Variants in PRKAG3 observed in about 807,000 individuals in gnomAD.
The protein encoded by PRKAG3 is protein kinase AMP-activated non-catalytic subunit gamma 3.
Under a neutral mutation model 56.5 loss-of-function variants are expected in PRKAG3, and 39 were observed. That is an observed-to-expected ratio of 0.69 (90% CI 0.53 to 0.90). The LOEUF is 0.90. Among genes scored for constraint, PRKAG3 ranks in the 40% least tolerant of loss-of-function variants. The pLI is 0.00. For missense variants in PRKAG3, 628 were observed against 627.5 expected, an observed-to-expected ratio of 1.00 and a Z score of -0.01; for synonymous variants, 243 against 250.1, an observed-to-expected ratio of 0.97 and a Z score of 0.27.
chr2:218,824,919 GT>G (rs143713209), intron 10 of PRKAG3, among the ~76,000 whole-genome samples: 76 of 152,276 alleles, frequency 5.0e-4, no homozygotes, highest in African/African-American at 1.8e-3. Flanking sequence ...TGGATGTGGG[GT>G]ATCCTATAGG....
intron 10 of PRKAG3, among the ~76,000 whole-genome samples, chr2:218,826,047 C>T (rs759563710): frequency 1.3e-5 from 2 of 152,136 alleles, no homozygotes; most frequent in African/African-American, 2.4e-5. Flanking sequence ...GCATGAGCCA[C>T]CGCCCCTGGC....
chr2:218,828,727 G>GTCCAGGAGAAGGCCCCAT, intron 4 of PRKAG3, 127 bp from the exon 5 acceptor site: 1 of 739,056 alleles, frequency 1.4e-6, no homozygotes, highest in Non-Finnish European at 2.2e-6. Context: ...TCTTCCATGG[G>GTCCAGGAGAAGGCCCCAT]GCCTTCTCCT....
chr2:218,824,126 A>T, intron 12 of PRKAG3, 96 bp downstream of exon 12: 2 of 1,588,262 alleles, frequency 1.3e-6, no homozygotes, highest in Non-Finnish European at 1.7e-6. Context: ...AAATGGAAGG[A>T]TAGGCCAGGT....
At chr2:218,828,011 G>T (rs781768300) in exon 6 of PRKAG3, 8 of 1,572,654 alleles carry the variant, frequency 5.1e-6, no homozygotes, top group South Asian at 2.3e-5. Flanking sequence ...CACCAGGGGG[G>T]ACCTGTAGTA....
rs60578863 is a variant in PRKAG3, at chr2:218,831,762, G to A, written c.9C>T (p.Pro3=). 3.7e-3 allele frequency: 5,920 copies of A among 1,610,330 alleles called. 190 individuals carry two copies. The African/African-American group carries it at 0.069, about 19-fold the overall frequency. The change falls in exon 1 of 13, where the codon CCC becomes CCT. Residue 3 remains proline, a synonymous_variant. Transcript: ENST00000529249. ...CCCTGCGCAGTGCGTGCTCCAGCCC[G>A]GGCTCCATGTGGCCAGCCCCAGACC...
exon 6 of PRKAG3, chr2:218,828,018 A>G: frequency 1.3e-6 from 2 of 1,570,608 alleles, no homozygotes; most frequent in Non-Finnish European, 1.7e-6. Flanking sequence ...GGGGACCTGT[A>G]GTAGCGATGC....
In PRKAG3 at chr2:218,831,325, A is replaced by G. The variant is rs1272348871; in HGVS notation, c.73+11T>C. 1 of 1,584,714 alleles carries G rather than the reference A, an allele frequency of 6.3e-7. No homozygotes were observed. Among genetic ancestry groups the G allele is most frequent in the Non-Finnish European group, 8.6e-7 (1 of 1,163,698 alleles). ...AGAGGTTAGGCCCCAGGGAGGGGGC[A>G]TTCTCCCTACCTTGATGCTCAGAAC... On this transcript the variant is annotated intron_variant, in intron 2 of 12. Coordinates refer to ENST00000529249, the Ensembl canonical transcript of PRKAG3.
In PRKAG3 at chr2:218,827,517, G is replaced by A. The variant is rs1943951147; in HGVS notation, c.875+58C>T. 2.5e-6 allele frequency: 4 copies of A among 1,601,184 alleles called. No homozygotes were observed. The highest frequency in any genetic ancestry group is 3.4e-6 in the Non-Finnish European group (4 of 1,168,606). ...AAGAGGTGAGTTCAGAGCTGAGTGG[G>A]ACTGGGGAAGGGGACTGTGGGAGGA... On this transcript the variant is annotated intron_variant, in intron 8 of 12. Transcript: ENST00000529249. This position sits in a 1 kb window ranked among gnomAD's most constrained non-coding sequence, Gnocchi z 5.3.
intron 2 of PRKAG3, 61 bp from the exon 3 acceptor site, chr2:218,830,962 T>A: frequency 9.0e-6 from 14 of 1,557,174 alleles, no homozygotes; most frequent in Non-Finnish European, 1.1e-5. Context: ...TCAATTCAAA[T>A]GTTATTCATA....
In PRKAG3 at chr2:218,824,636, A is replaced by G. The variant is rs1299130914; in HGVS notation, c.1169-60T>C. ...AGACAGGGAAGAGGCTCCGGTCAGA[A>G]CCGGGGTGCTGTGTAGAGGGCCTAG... On this transcript the variant is annotated intron_variant, in intron 10 of 12. Coordinates refer to ENST00000529249, the Ensembl canonical transcript of PRKAG3. 4.4e-5 allele frequency: 65 copies of G among 1,489,096 alleles called. 2 individuals carry two copies. 92.2% of individuals were successfully genotyped at this position (1,489,096 alleles called of 1,614,324 possible). A position where few individuals can be genotyped will look rare whatever the true frequency, so the allele number is the denominator to read the frequency against.
At chr2:218,826,603 C>A in intron 10 of PRKAG3, 1 of 370,472 alleles carries the variant, frequency 2.7e-6, no homozygotes, top group Non-Finnish European at 5.3e-6. Context: ...CACCACGTGT[C>A]CGGCTCCATT....
At position 218,824,628 on chromosome 2, in the gene PRKAG3, C is replaced by T. The variant is rs548586934; in HGVS notation, c.1169-52G>A. 1.2e-4 allele frequency: 188 copies of T among 1,509,812 alleles called. 1 individual carries two copies. The East Asian group carries it at 2.7e-3, about 22-fold the overall frequency. The allele number at this position is 1,509,812 out of a possible 1,614,324, so 93.5% of individuals were successfully genotyped here. On this transcript the variant is annotated intron_variant, in intron 10 of 12. Transcript: ENST00000529249. Reference sequence around the variant, plus strand: ...GGGGAGAAAGACAGGGAAGAGGCTCCGGTCAGAACCGGGGTGCTGTGTAGA... The same window carrying T: ...GGGGAGAAAGACAGGGAAGAGGCTCTGGTCAGAACCGGGGTGCTGTGTAGA...
Position 218,824,451 on chromosome 2 carries a change from T to C in PRKAG3, c.1207-83A>G, listed in dbSNP as rs1943901862. Reference sequence around the variant, plus strand: ...ACAGATGTCAACCCCTGCATACTTGTCAAGGTCCCCCTGGTCCACAGAGGC... The same window carrying C: ...ACAGATGTCAACCCCTGCATACTTGCCAAGGTCCCCCTGGTCCACAGAGGC... On this transcript the variant is annotated intron_variant, in intron 11 of 12. Coordinates refer to ENST00000529249, the Ensembl canonical transcript of PRKAG3. The C allele has an allele frequency of 7.4e-6, 12 of 1,610,914 alleles. No homozygotes were observed. In the South Asian group the frequency reaches 1.3e-4, roughly 18 times the overall value.
In PRKAG3 at chr2:218,823,717, G is replaced by C. The variant is rs753259487; in HGVS notation, c.*45C>G. On this transcript the variant is annotated 3_prime_UTR_variant, in exon 13 of 13. Transcript: ENST00000529249. ...CTGAGTTCTCCAGTTCCCTTCATTG[G>C]CTTCCAGGTGTGCAGGTGGCTTGGG... The C allele has an allele frequency of 2.5e-6, 4 of 1,612,664 alleles. No individual in the cohort carries two copies. In the East Asian group the frequency reaches 8.9e-5, roughly 36 times the overall value.
At chr2:218,831,606 C>T (rs769339793) in intron 1 of PRKAG3, 132 bp downstream of exon 1, 440 of 1,235,958 alleles carry the variant, frequency 3.6e-4, no homozygotes, top group Non-Finnish European at 4.8e-4. Context: ...CATGCACATG[C>T]CCATATTCAC....
At chr2:218,822,932 G>A, downstream of PRKAG3, 1 of 985,710 alleles carries the variant, frequency 1.0e-6, no homozygotes, top group East Asian at 1.1e-4. Context: ...TGGCCCTGGG[G>A]TAATCCTAGT....
At chr2:218,830,670 A>G in intron 3 of PRKAG3, 76 bp downstream of exon 3, 1 of 1,527,814 alleles carries the variant, frequency 6.5e-7, no homozygotes, top group Middle Eastern at 2.4e-4. Context: ...GACCTGAGGT[A>G]GAGACCAGAC....
Position 218,826,824 on chromosome 2 carries a change from C to A in PRKAG3, c.1168+104G>T, listed in dbSNP as rs566048145. The A allele has an allele frequency of 1.0e-3, 1,456 of 1,456,592 alleles. 6 individuals are homozygous for A. The highest frequency in any genetic ancestry group is 1.3e-3 in the Non-Finnish European group (1,379 of 1,044,968). The allele number at this position is 1,456,592 out of a possible 1,614,324, so 90.2% of individuals were successfully genotyped here. ...TTCTAATCCCCAGTCCATCCTGTAC[C>A]CCCCACAGGGATGGCATGAGAAACC... On this transcript the variant is annotated intron_variant, in intron 10 of 12. Transcript: ENST00000529249.
In PRKAG3 at chr2:218,825,434, G is replaced by GGA. The variant is rs372982793; in HGVS notation, c.1169-860_1169-859dup. Among the ~76,000 whole-genome samples, 590 of 152,212 alleles carry GGA rather than the reference G, an allele frequency of 3.9e-3. 3 individuals are homozygous for GGA. Among genetic ancestry groups the GGA allele is most frequent in the African/African-American group, 0.013 (548 of 41,518 alleles). On this transcript the variant is annotated intron_variant, in intron 10 of 12. Coordinates refer to ENST00000529249, the Ensembl canonical transcript of PRKAG3. ...AAGACAGGTGGATCACTTGAGGTCAGGAGTTGGAGACTGGCCTGGCCTATA... is the reference window on the plus strand; with the variant it reads ...AAGACAGGTGGATCACTTGAGGTCAGGAGAGTTGGAGACTGGCCTGGCCTATA...
Sources: gnomAD v4.1 joint callset for allele counts (sites outside exome capture counted in the v4.1 genomes callset) on GRCh38, gnomAD v4.1.1 for gene constraint, Gnocchi (gnomAD v3.1) non-coding constraint, MANE v1.5 for transcripts, NCBI Gene and HGNC (gene_info 2026-07-23, HGNC 2026-07-21) for gene names.